Variants in TNIP3 observed in about 807,000 individuals in gnomAD.
The protein encoded by TNIP3 is TNFAIP3-interacting protein 3.
Under a neutral mutation model 54.1 loss-of-function variants are expected in TNIP3, and 34 were observed. The observed-to-expected ratio is 0.63, with a 90% CI of 0.48 to 0.84. The LOEUF (loss-of-function observed/expected upper bound fraction) is 0.84, where lower values mean the gene tolerates loss of function less well. TNIP3 is among the 40% of genes least tolerant of loss of function. The probability of loss-of-function intolerance (pLI) is 0.00; values close to 1 mark genes in which losing one functional copy is unlikely to be tolerated. For missense variants in TNIP3, 366 were observed against 387.6 expected, an observed-to-expected ratio of 0.94 and a Z score of 0.47; for synonymous variants, 134 against 136.8, an observed-to-expected ratio of 0.98 and a Z score of 0.14.
At chr4:121,182,568 G>T in intron 3 of TNIP3, 1 of 1,295,348 alleles carries the variant, frequency 7.7e-7, no homozygotes, top group Non-Finnish European at 1.0e-6. Flanking sequence ...TGACAAGGAA[G>T]TACATGACTG....
Position 121,157,129 on chromosome 4 carries a change from GCTGC to G in TNIP3, c.324_327del (p.Arg108SerfsTer4), listed in dbSNP as rs1408361237. 1 of 1,613,844 alleles carries G rather than the reference GCTGC, an allele frequency of 6.2e-7. No homozygotes were observed. Among genetic ancestry groups the G allele is most frequent in the Non-Finnish European group, 8.5e-7 (1 of 1,179,988 alleles). On this transcript the variant is annotated frameshift_variant, in exon 4 of 11. Coordinates refer to ENST00000057513, the MANE Select transcript of TNIP3 (RefSeq NM_024873.6). LOFTEE classifies it high-confidence loss of function. ...TGCAGCCGGTCCCGGGTCAGGTCGC[GCTGC>G]CTGTCGTCCTCTCTCTGCCTGTCGT...
intron 2 of TNIP3, among the ~76,000 whole-genome samples, chr4:121,196,302 A>G (rs1329635044): frequency 6.6e-6 from 1 of 152,216 alleles, no homozygotes; most frequent in Admixed American, 6.5e-5. Flanking sequence ...GTGTTTGTAA[A>G]TTGCTAAAGG....
At chr4:121,137,294 G>A (rs1281166301) in intron 10 of TNIP3, among the ~76,000 whole-genome samples, 1 of 152,100 alleles carries the variant, frequency 6.6e-6, no homozygotes, top group African/African-American at 2.4e-5. Flanking sequence ...TACCATAATA[G>A]ATTTTAAAAT....
intron 2 of TNIP3, among the ~76,000 whole-genome samples, chr4:121,188,726 T>A (rs1047447789): frequency 1.3e-5 from 2 of 152,220 alleles, no homozygotes; most frequent in African/African-American, 4.8e-5. Context: ...TCCATTAAAT[T>A]GTTTATGAAT....
chr4:121,139,677 T>A (rs1223296697), intron 9 of TNIP3, among the ~76,000 whole-genome samples: 1 of 152,238 alleles, frequency 6.6e-6, no homozygotes, highest in Non-Finnish European at 1.5e-5. Flanking sequence ...TGAGAAATGC[T>A]GCTTTTAGTG....
intron 3 of TNIP3, among the ~76,000 whole-genome samples, chr4:121,170,526 T>C (rs571214422): frequency 2.7e-4 from 41 of 152,320 alleles, no homozygotes; most frequent in African/African-American, 9.6e-4. Flanking sequence ...ATATTTTACT[T>C]CATCCTATTT....
intron 2 of TNIP3, among the ~76,000 whole-genome samples, chr4:121,200,530 C>T (rs1280937724): frequency 6.6e-6 from 1 of 151,968 alleles, no homozygotes; most frequent in Non-Finnish European, 1.5e-5. Flanking sequence ...TCATAGAGAC[C>T]CCCGAGCACA....
intron 3 of TNIP3, among the ~76,000 whole-genome samples, chr4:121,175,494 G>C (rs1401239402): frequency 6.6e-6 from 1 of 152,082 alleles, no homozygotes. Context: ...CCACCCCATT[G>C]ACCCAAATTG....
rs141583491 is a variant in TNIP3, at chr4:121,199,014, G to A, written c.69-16218C>T. Among the ~76,000 whole-genome samples, 4 of 152,308 alleles carry A rather than the reference G, an allele frequency of 2.6e-5. No homozygotes were observed. In the East Asian group the frequency reaches 7.7e-4, roughly 29 times the overall value. ...CCTCTTTGATGGCCAGAGTCACAAA[G>A]TTGTAAACAATTAAGAGGAAGTTTA... On this transcript the variant is annotated intron_variant, in intron 2 of 12. Coordinates refer to the TNIP3 transcript ENST00000507879.
intron 4 of TNIP3, among the ~76,000 whole-genome samples, chr4:121,155,447 G>A (rs1579402279): frequency 6.6e-6 from 1 of 152,112 alleles, no homozygotes; most frequent in African/African-American, 2.4e-5. Flanking sequence ...ATAATCCTTA[G>A]GCCAATAAGA....
chr4:121,157,380 C>A, intron 3 of TNIP3, 137 bp from the exon 4 acceptor site: 2 of 1,065,866 alleles, frequency 1.9e-6, no homozygotes, highest in Non-Finnish European at 1.4e-6. Flanking sequence ...TAGCTCCCAC[C>A]GTCCCGAACA....
chr4:121,154,293 T>C, intron 5 of TNIP3: 1 of 424,980 alleles, frequency 2.4e-6, no homozygotes, highest in South Asian at 2.6e-5. Flanking sequence ...AGAAATGTTC[T>C]TACTGTCTCT....
rs779288107 is a variant in TNIP3 at position 121,150,190 on chromosome 4, A to G, written c.522T>C (p.Cys174=). Residue 174 remains cysteine, a synonymous_variant, in exon 6 of 11, where the codon TGT becomes TGC. Coordinates refer to ENST00000057513, the MANE Select transcript of TNIP3 (RefSeq NM_024873.6). The part of the protein sequence containing the change: ...KALQDALNIK[C]SFSEDCLRKS... ...TCCTCAAACAGTCCTCGGAAAATGAACACTTGATATTCAAGGCATCCTGAA... is the reference window on the plus strand; with the variant it reads ...TCCTCAAACAGTCCTCGGAAAATGAGCACTTGATATTCAAGGCATCCTGAA... 2.5e-5 allele frequency: 40 copies of G among 1,613,610 alleles called. No individual in the cohort carries two copies. The East Asian group carries it at 8.5e-4, about 34-fold the overall frequency.
chr4:121,156,650 C>A (rs1730104756), intron 4 of TNIP3, among the ~76,000 whole-genome samples: 1 of 152,116 alleles, frequency 6.6e-6, no homozygotes, highest in African/African-American at 2.4e-5. Flanking sequence ...AGTAAGACCT[C>A]ATATATAAAT....
At chr4:121,155,005 C>T (rs931805396) in intron 4 of TNIP3, among the ~76,000 whole-genome samples, 7 of 151,252 alleles carry the variant, frequency 4.6e-5, no homozygotes, top group Non-Finnish European at 1.0e-4. Flanking sequence ...CACTGTCTCC[C>T]GGCCTGGAGT....
At chr4:121,183,519 C>T (rs1724835308) in intron 2 of TNIP3, among the ~76,000 whole-genome samples, 1 of 152,210 alleles carries the variant, frequency 6.6e-6, no homozygotes, top group South Asian at 2.1e-4. Flanking sequence ...GGTCCCCAAC[C>T]CCCACTGCCA....
intron 10 of TNIP3, 29 bp from the exon 11 acceptor site, chr4:121,132,691 G>C: frequency 6.3e-7 from 1 of 1,585,204 alleles, no homozygotes; most frequent in South Asian, 1.1e-5. Context: ...AAATGTTTTA[G>C]ATTAAAAATT....
chr4:121,171,197 A>G (rs1393696541), intron 3 of TNIP3, among the ~76,000 whole-genome samples: 1 of 152,238 alleles, frequency 6.6e-6, no homozygotes, highest in Non-Finnish European at 1.5e-5. Context: ...TTGCATTTCA[A>G]AATAGACTCT....
At chr4:121,207,743 C>A (rs557114836) in intron 2 of TNIP3, among the ~76,000 whole-genome samples, 1 of 152,320 alleles carries the variant, frequency 6.6e-6, no homozygotes, top group Admixed American at 6.5e-5. Context: ...AACCTCCAAG[C>A]TGACCTTATT....
Sources: gnomAD v4.1 joint callset for allele counts (sites outside exome capture counted in the v4.1 genomes callset) on GRCh38, gnomAD v4.1.1 for gene constraint, MANE v1.5 for transcripts, NCBI Gene and HGNC (gene_info 2026-07-23, HGNC 2026-07-21) for gene names.